Variants in CCDC28A observed in about 807,000 individuals in gnomAD.
The protein encoded by CCDC28A is coiled-coil domain-containing protein 28A.
A neutral mutation model predicts 22.1 loss-of-function variants in CCDC28A; 24 were observed. The observed-to-expected ratio is 1.09, with a 90% CI of 0.79 to 1.53. CCDC28A has a LOEUF of 1.53. Ranked by LOEUF, CCDC28A falls within the 40% of genes most tolerant of loss-of-function variation. The pLI is 0.00. For synonymous variants in CCDC28A, 83 were observed against 74.7 expected (o/e 1.11, Z -0.57); for missense variants, 170 against 210.7 (o/e 0.81, Z 1.20).
At chr6:138,780,270 T>G (rs1774996090) in intron 3 of CCDC28A, among the ~76,000 whole-genome samples, 1 of 152,230 alleles carries the variant, frequency 6.6e-6, no homozygotes, top group South Asian at 2.1e-4. Flanking sequence ...GGGACAGTCT[T>G]GGTCAGTTAA....
chr6:138,773,770 TAAAC>T lies in CCDC28A; in HGVS notation c.-170_-167del, dbSNP rs944455629. On this transcript the variant is annotated 5_prime_UTR_variant, in exon 1 of 6. Transcript: ENST00000617445. ...GGCTGTACCTCTTACGTCACTTCCG[TAAAC>T]AAACGGAGCTGCGGAGGAGCGGGTC... 21 of 1,612,760 alleles carry T rather than the reference TAAAC, an allele frequency of 1.3e-5. No homozygotes were observed. The highest frequency in any genetic ancestry group is 2.7e-5 in the African/African-American group (2 of 75,022).
At position 138,788,389 on chromosome 6, in the gene CCDC28A, G is replaced by GTATC; in HGVS notation, c.500+2_500+5dup. 2 of 1,262,048 alleles carry GTATC rather than the reference G, an allele frequency of 1.6e-6. No homozygotes were observed. The highest frequency in any genetic ancestry group is 2.2e-6 in the Non-Finnish European group (2 of 918,960). 78.2% of individuals were successfully genotyped at this position (1,262,048 alleles called of 1,614,324 possible). A position where few individuals can be genotyped will look rare whatever the true frequency, so the allele number is the denominator to read the frequency against. On this transcript the variant is annotated splice_donor_variant, in intron 5 of 5. Coordinates refer to ENST00000617445, the MANE Select transcript of CCDC28A (RefSeq NM_015439.3). LOFTEE classifies it high-confidence loss of function. ...AGTTAGAAGAATTGAATTCTTCCAT[G>GTATC]TATCCTTTGTCTGCTATCAACAGTG...
rs745428838 is a variant in CCDC28A, at chr6:138,779,926, T to C, written c.263T>C (p.Met88Thr). The part of the protein sequence containing the change: ...FLTDVSDVQE[M>T]ERGLLSLLND... Reference sequence around the variant, plus strand: ...ACTGATGTCTCAGATGTTCAGGAGATGGAGAGAGGGCTGCTCAGTCTTTTG... The same window carrying C: ...ACTGATGTCTCAGATGTTCAGGAGACGGAGAGAGGGCTGCTCAGTCTTTTG... The change falls in exon 3 of 6, where the codon ATG (methionine) becomes ACG (threonine). Residue 88 changes from methionine to threonine, a missense_variant. By Grantham distance (81) the Met-to-Thr change is moderately conservative. Coordinates refer to ENST00000617445, the MANE Select transcript of CCDC28A (RefSeq NM_015439.3). 4 of 1,614,040 alleles carry C rather than the reference T, an allele frequency of 2.5e-6. No homozygotes were observed. The highest frequency in any genetic ancestry group is 3.4e-6 in the Non-Finnish European group (4 of 1,179,904).
chr6:138,773,822 C>T lies in CCDC28A; in HGVS notation c.-123C>T. On this transcript the variant is annotated 5_prime_UTR_variant, in exon 1 of 6. Transcript: ENST00000617445. ...GTCCCGGGATGTGACCGGGGCTCTG[C>T]TTGTGGCTGCGGCGGTGGCTTCTGA... 2 of 1,614,112 alleles carry T rather than the reference C, an allele frequency of 1.2e-6. No individual in the cohort carries two copies. Among genetic ancestry groups the T allele is most frequent in the Non-Finnish European group, 1.7e-6 (2 of 1,180,004 alleles).
intron 5 of CCDC28A, 150 bp from the exon 6 acceptor site, chr6:138,792,599 T>G (rs1775188298): frequency 3.1e-6 from 2 of 636,428 alleles, no homozygotes; most frequent in Non-Finnish European, 5.6e-6. Flanking sequence ...TCTTACCACA[T>G]CTGAGTGTCT....
At chr6:138,784,188 C>G (rs1310510379) in intron 3 of CCDC28A, among the ~76,000 whole-genome samples, 1 of 152,076 alleles carries the variant, frequency 6.6e-6, no homozygotes, top group Non-Finnish European at 1.5e-5. Flanking sequence ...GGGCCTAGAA[C>G]TCTGAATTTC....
At chr6:138,778,526 G>T (rs1224724192) in intron 2 of CCDC28A, among the ~76,000 whole-genome samples, 2 of 152,168 alleles carry the variant, frequency 1.3e-5, no homozygotes, top group Non-Finnish European at 2.9e-5. Flanking sequence ...TAGGCTAGGG[G>T]TTCCAAAAAG....
chr6:138,780,779 G>C (rs1330556578), intron 3 of CCDC28A, among the ~76,000 whole-genome samples: 1 of 151,948 alleles, frequency 6.6e-6, no homozygotes, highest in Non-Finnish European at 1.5e-5. Flanking sequence ...CACCGTGTTA[G>C]CCAGGATGGG....
At chr6:138,785,026 A>G (rs1239387915) in intron 3 of CCDC28A, among the ~76,000 whole-genome samples, 1 of 152,148 alleles carries the variant, frequency 6.6e-6, no homozygotes, top group Admixed American at 6.5e-5. Context: ...TTTAGTACCC[A>G]AGGTCATTTC....
Position 138,792,738 on chromosome 6 carries a change from G to A in CCDC28A, c.501-11G>A, listed in dbSNP as rs375314761. The A allele has an allele frequency of 1.3e-6, 2 of 1,499,030 alleles. No individual in the cohort carries two copies. The highest frequency in any genetic ancestry group is 1.8e-6 in the Non-Finnish European group (2 of 1,084,564). 92.9% of individuals were successfully genotyped at this position (1,499,030 alleles called of 1,614,324 possible). On this transcript the variant is annotated splice_polypyrimidine_tract_variant and intron_variant, in intron 5 of 5. Coordinates refer to ENST00000617445, the MANE Select transcript of CCDC28A (RefSeq NM_015439.3). ...TTATAGAATGAAAATCTTCTTAACTGATTAATTCAGACAAAAACTCCATTT... is the reference window on the plus strand; with the variant it reads ...TTATAGAATGAAAATCTTCTTAACTAATTAATTCAGACAAAAACTCCATTT...
In CCDC28A at chr6:138,773,886, A is replaced by G. The variant is rs773104469; in HGVS notation, c.-59A>G. The G allele has an allele frequency of 2.2e-5, 36 of 1,613,426 alleles. No homozygotes were observed. Among genetic ancestry groups the G allele is most frequent in the South Asian group, 3.3e-5 (3 of 91,074 alleles). The stretch of plus-strand genomic sequence containing the variant: ...TTGCGGGTTGCGGAAGGGGGCCCCA[A>G]TACCCTTCTTCTTCAGGTATGTAGT... On this transcript the variant is annotated 5_prime_UTR_variant, in exon 1 of 6. Transcript: ENST00000617445.
At chr6:138,775,226 C>T (rs1339568904) in intron 1 of CCDC28A, among the ~76,000 whole-genome samples, 3 of 152,102 alleles carry the variant, frequency 2.0e-5, no homozygotes, top group African/African-American at 7.2e-5. Context: ...GGCGTGAGCC[C>T]GGCCGGAAGG....
intron 1 of CCDC28A, among the ~76,000 whole-genome samples, chr6:138,775,826 T>C (rs1158313884): frequency 2.0e-5 from 3 of 152,124 alleles, no homozygotes; most frequent in Non-Finnish European, 4.4e-5. Context: ...AGAGAATCAG[T>C]AAATATTTGT....
At chr6:138,773,959 A>T in intron 1 of CCDC28A, 57 bp downstream of exon 1, 2 of 1,586,770 alleles carry the variant, frequency 1.3e-6, no homozygotes, top group East Asian at 4.5e-5. Context: ...CCTTCCCACC[A>T]CTCTGGTCAC....
chr6:138,781,801 T>C (rs368075691), intron 3 of CCDC28A, among the ~76,000 whole-genome samples: 27 of 152,346 alleles, frequency 1.8e-4, no homozygotes, highest in African/African-American at 6.0e-4. Context: ...ATTATGTATT[T>C]ATTTTTGTCT....
chr6:138,785,579 T>C (rs1447194953), intron 4 of CCDC28A, among the ~76,000 whole-genome samples, 198 bp downstream of exon 4: 1 of 152,162 alleles, frequency 6.6e-6, no homozygotes, highest in Non-Finnish European at 1.5e-5. Context: ...CCTCATCCCC[T>C]AGCAACCCCT....
At chr6:138,775,562 G>A (rs1362758608) in intron 1 of CCDC28A, among the ~76,000 whole-genome samples, 1 of 152,202 alleles carries the variant, frequency 6.6e-6, no homozygotes, top group Admixed American at 6.5e-5. Context: ...AAGGCTTCTA[G>A]TTGATTTTTA....
rs1456736296 is a variant in CCDC28A, at chr6:138,793,041, G to T, written c.*238G>T. On this transcript the variant is annotated 3_prime_UTR_variant, in exon 6 of 6. Coordinates refer to ENST00000617445, the MANE Select transcript of CCDC28A (RefSeq NM_015439.3). ...GGAAATGTGACGCAGAGATTGTGCT[G>T]CTGTGCTTCATATTGTTGCCTTATG... is the stretch of plus-strand genomic sequence containing the variant. The T allele has an allele frequency of 6.1e-6, 3 of 491,936 alleles. No homozygotes were observed. The highest frequency in any genetic ancestry group is 3.9e-5 in the African/African-American group (2 of 51,232). The allele number at this position is 491,936 out of a possible 1,614,324, so 30.5% of individuals were successfully genotyped here.
At chr6:138,792,317 C>T (rs1775181958) in intron 5 of CCDC28A, among the ~76,000 whole-genome samples, 1 of 151,998 alleles carries the variant, frequency 6.6e-6, no homozygotes, top group Non-Finnish European at 1.5e-5. Flanking sequence ...TTGCTTGAGG[C>T]CAGGAGTTCA....
Sources: gnomAD v4.1 joint callset for allele counts (sites outside exome capture counted in the v4.1 genomes callset) on GRCh38, gnomAD v4.1.1 for gene constraint, MANE v1.5 for transcripts, NCBI Gene and HGNC (gene_info 2026-07-23, HGNC 2026-07-21) for gene names.